Variants in TM9SF3 observed in about 807,000 individuals in gnomAD.
TM9SF3 encodes the protein transmembrane 9 superfamily member 3, also known as SM-11044-binding protein.
TM9SF3 carries 14 observed loss-of-function variants against 78.6 expected under a neutral mutation model. The observed-to-expected ratio is 0.18, with a 90% CI of 0.12 to 0.28. The LOEUF (loss-of-function observed/expected upper bound fraction) is 0.28. Among genes scored for constraint, TM9SF3 ranks in the 10% least tolerant of loss-of-function variants. The pLI, the probability that TM9SF3 is intolerant of heterozygous loss-of-function variation, is 1.00. For missense variants in TM9SF3, 496 were observed against 721.9 expected (o/e 0.69, Z 3.59); for synonymous variants, 231 against 241.7 (o/e 0.96, Z 0.41).
At chr10:96,561,926 T>C in intron 4 of TM9SF3, 52 bp downstream of exon 4, 4 of 1,480,748 alleles carry the variant, frequency 2.7e-6, no homozygotes, top group Non-Finnish European at 3.7e-6. Flanking sequence ...CACAAATTGT[T>C]GACATCGGGT....
intron 8 of TM9SF3, 113 bp downstream of exon 8, chr10:96,547,782 T>C: frequency 2.4e-6 from 2 of 846,476 alleles, no homozygotes; most frequent in Non-Finnish European, 3.7e-6. Context: ...ATTGCACCAC[T>C]GCACTCCAGC....
chr10:96,575,321 T>C (rs887318748), intron 2 of TM9SF3, among the ~76,000 whole-genome samples: 1 of 152,166 alleles, frequency 6.6e-6, no homozygotes, highest in Non-Finnish European at 1.5e-5. Context: ...TATTTGTGAC[T>C]AAATACTTAA....
intron 2 of TM9SF3, among the ~76,000 whole-genome samples, chr10:96,569,680 T>C (rs150040378): frequency 7.7e-4 from 117 of 152,134 alleles, no homozygotes; most frequent in African/African-American, 2.8e-3. Flanking sequence ...TTATGTGCAA[T>C]AGCAGAAAAA....
At chr10:96,544,960 A>AC (rs1196418148) in intron 8 of TM9SF3, among the ~76,000 whole-genome samples, 2 of 152,078 alleles carry the variant, frequency 1.3e-5, no homozygotes, top group African/African-American at 4.8e-5. Context: ...AAGAAAAAAA[A>AC]CCAATGTGTT....
At chr10:96,528,838 T>G (rs556157011) in intron 11 of TM9SF3, among the ~76,000 whole-genome samples, 23 of 152,240 alleles carry the variant, frequency 1.5e-4, no homozygotes, top group Non-Finnish European at 3.1e-4. Flanking sequence ...GGGCCAGTTC[T>G]TACGTTATAA....
Position 96,559,655 on chromosome 10 carries a change from C to T in TM9SF3, c.660+4G>A. ...CAATGTCTTAAAATACACTATTTACCTACCCGATGTTGAAAAAAGGACGGA... is the reference window on the plus strand; with the variant it reads ...CAATGTCTTAAAATACACTATTTACTTACCCGATGTTGAAAAAAGGACGGA... On this transcript the variant is annotated splice_donor_region_variant and intron_variant, in intron 5 of 14. Transcript: ENST00000371142. 1 of 1,579,186 alleles carries T rather than the reference C, an allele frequency of 6.3e-7. No individual in the cohort carries two copies. Among genetic ancestry groups the T allele is most frequent in the Non-Finnish European group, 8.6e-7 (1 of 1,157,986 alleles).
At chr10:96,548,750 A>G (rs1004774245) in intron 7 of TM9SF3, among the ~76,000 whole-genome samples, 6 of 150,402 alleles carry the variant, frequency 4.0e-5, no homozygotes, top group African/African-American at 1.5e-4. Context: ...GTGAGCCAAG[A>G]ACGCGTCACT....
chr10:96,531,752 C>T lies in TM9SF3; in HGVS notation c.1326-1144G>A, dbSNP rs558872637. On this transcript the variant is annotated intron_variant, in intron 10 of 14. Coordinates refer to ENST00000371142, the MANE Select transcript of TM9SF3 (RefSeq NM_020123.4). Reference sequence around the variant, plus strand: ...AGCCTTCCTATACCTAATTGCAATGCATCTCTGGTGAGGAAGCTCTCACCA... The same window carrying T: ...AGCCTTCCTATACCTAATTGCAATGTATCTCTGGTGAGGAAGCTCTCACCA... Among the ~76,000 whole-genome samples, 13 of 152,246 alleles carry T rather than the reference C, an allele frequency of 8.5e-5. No individual in the cohort carries two copies. The South Asian group carries it at 2.5e-3, about 29-fold the overall frequency.
chr10:96,557,290 C>T (rs1276443053), intron 5 of TM9SF3, among the ~76,000 whole-genome samples: 1 of 152,010 alleles, frequency 6.6e-6, no homozygotes, highest in Non-Finnish European at 1.5e-5. Context: ...CCTAATCTTC[C>T]CCTCTAAATC....
intron 5 of TM9SF3, among the ~76,000 whole-genome samples, chr10:96,554,104 G>T (rs1368639007): frequency 6.6e-6 from 1 of 151,998 alleles, no homozygotes; most frequent in Non-Finnish European, 1.5e-5. Context: ...ATCTCCAAAG[G>T]TCCTTATCTA....
At chr10:96,542,054 G>A (rs1848040264) in intron 9 of TM9SF3, among the ~76,000 whole-genome samples, 1 of 152,198 alleles carries the variant, frequency 6.6e-6, no homozygotes, top group Non-Finnish European at 1.5e-5. Context: ...CCAGGGTTGA[G>A]AATCACTGAG....
intron 10 of TM9SF3, among the ~76,000 whole-genome samples, chr10:96,531,999 A>G (rs530547299): frequency 1.1e-3 from 171 of 152,208 alleles, no homozygotes; most frequent in African/African-American, 4.0e-3. Flanking sequence ...TCACGAGGTT[A>G]GTAGATCGAG....
chr10:96,570,863 G>T (rs1382325113), intron 2 of TM9SF3, among the ~76,000 whole-genome samples: 1 of 152,010 alleles, frequency 6.6e-6, no homozygotes, highest in African/African-American at 2.4e-5. Flanking sequence ...CTCCTGCCTC[G>T]GCTTCCCGGG....
chr10:96,520,589 A>G lies in TM9SF3; in HGVS notation c.*1674T>C, dbSNP rs564057677. 3 of 286,632 alleles carry G rather than the reference A, an allele frequency of 1.0e-5. No homozygotes were observed. Among genetic ancestry groups the G allele is most frequent in the African/African-American group, 7.0e-5 (3 of 43,120 alleles). 17.8% of individuals were successfully genotyped at this position (286,632 alleles called of 1,614,324 possible). ...AGTATTGTTTTAGGTGGTCATTTGCATAGCAAACTATTAAACTAGAAACTC... is the reference window on the plus strand; with the variant it reads ...AGTATTGTTTTAGGTGGTCATTTGCGTAGCAAACTATTAAACTAGAAACTC... On this transcript the variant is annotated 3_prime_UTR_variant, in exon 15 of 15. Transcript: ENST00000371142.
intron 5 of TM9SF3, among the ~76,000 whole-genome samples, chr10:96,558,379 C>T (rs1052298406): frequency 2.6e-5 from 4 of 152,034 alleles, no homozygotes; most frequent in Non-Finnish European, 5.9e-5. Flanking sequence ...CGGTGGCTCA[C>T]GCCTGTAATC....
At chr10:96,572,529 T>TC (rs1471571034) in intron 2 of TM9SF3, among the ~76,000 whole-genome samples, 22 of 150,478 alleles carry the variant, frequency 1.5e-4, no homozygotes, top group Non-Finnish European at 2.5e-4. Context: ...CATTTTCTTT[T>TC]TTTTTTTTTT....
chr10:96,521,604 T>C lies in TM9SF3; in HGVS notation c.*659A>G, dbSNP rs1488464661. On this transcript the variant is annotated 3_prime_UTR_variant, in exon 15 of 15. Transcript: ENST00000371142. ...TCTTTGGATGGAATTAAGATGTAAC[T>C]GTATAGTTTTAAGATAAATAAATGG... The C allele has an allele frequency of 5.3e-5, 8 of 151,764 alleles. No homozygotes were observed. Among genetic ancestry groups the C allele is most frequent in the Non-Finnish European group, 8.9e-5 (6 of 67,434 alleles). The allele number at this position is 151,764 out of a possible 1,614,324, so 9.4% of individuals were successfully genotyped here.
intron 2 of TM9SF3, among the ~76,000 whole-genome samples, chr10:96,574,432 T>C (rs1848473759): frequency 6.6e-6 from 1 of 152,130 alleles, no homozygotes; most frequent in African/African-American, 2.4e-5. Context: ...CAACAGATGC[T>C]GGAGAGGATG....
chr10:96,522,388 T>A, intron 14 of TM9SF3, 58 bp from the exon 15 acceptor site: 1 of 1,312,700 alleles, frequency 7.6e-7, no homozygotes, highest in Non-Finnish European at 1.0e-6. Context: ...TATCCATCAT[T>A]TAAAAACACT....
Sources: allele counts gnomAD v4.1 joint callset (sites outside exome capture counted in the v4.1 genomes callset), GRCh38; gene constraint gnomAD v4.1.1; transcripts MANE v1.5; gene names NCBI Gene and HGNC (gene_info 2026-07-23, HGNC 2026-07-21).